Variants in SPAG16 observed in about 807,000 individuals in gnomAD.
SPAG16 encodes the protein sperm associated antigen 16.
SPAG16 carries 86 observed loss-of-function variants against 80.4 expected under a neutral mutation model. That is an observed-to-expected ratio of 1.07 (90% CI 0.90 to 1.28). The LOEUF (loss-of-function observed/expected upper bound fraction) is 1.28. Among genes scored for constraint, SPAG16 ranks in the 50% most tolerant of loss-of-function variants. The probability of loss-of-function intolerance (pLI) is 0.00; values close to 1 mark genes in which losing one functional copy is unlikely to be tolerated. For synonymous variants in SPAG16, 294 were observed against 265.9 expected (o/e 1.11, Z -1.03); for missense variants, 870 against 765.3 (o/e 1.14, Z -1.61).
At chr2:214,348,126 G>C (rs1698178174) in intron 15 of SPAG16, among the ~76,000 whole-genome samples, 1 of 152,154 alleles carries the variant, frequency 6.6e-6, no homozygotes, top group Non-Finnish European at 1.5e-5. Context: ...CGGGTTGTGT[G>C]GAGGGCAGAT....
intron 15 of SPAG16, among the ~76,000 whole-genome samples, chr2:214,184,528 C>G (rs1164109564): frequency 6.6e-6 from 1 of 152,062 alleles, no homozygotes; most frequent in Admixed American, 6.6e-5. Flanking sequence ...ACAACATTCT[C>G]AGGGAGAACT....
At chr2:213,866,108 G>A (rs1375701910) in intron 11 of SPAG16, among the ~76,000 whole-genome samples, 1 of 151,266 alleles carries the variant, frequency 6.6e-6, no homozygotes, top group Non-Finnish European at 1.5e-5. Flanking sequence ...TTATGAGTGA[G>A]TTTTTAGAAA....
At chr2:213,876,735 T>C (rs1364787891) in intron 11 of SPAG16, among the ~76,000 whole-genome samples, 3 of 152,176 alleles carry the variant, frequency 2.0e-5, no homozygotes, top group African/African-American at 7.2e-5. Flanking sequence ...TTATGGTTAT[T>C]GGCTGGCCTT....
intron 15 of SPAG16, among the ~76,000 whole-genome samples, chr2:214,191,396 G>T (rs944378530): frequency 1.3e-5 from 2 of 151,888 alleles, no homozygotes; most frequent in Non-Finnish European, 2.9e-5. Context: ...GGAAAAGTGT[G>T]ATGATGAAAA....
At chr2:214,024,584 T>C (rs1158366546) in intron 13 of SPAG16, among the ~76,000 whole-genome samples, 1 of 151,588 alleles carries the variant, frequency 6.6e-6, no homozygotes, top group East Asian at 1.9e-4. Flanking sequence ...ATATAATACA[T>C]TCTAAACTTA....
intron 15 of SPAG16, among the ~76,000 whole-genome samples, chr2:214,284,198 C>A (rs1432760449): frequency 6.6e-6 from 1 of 152,156 alleles, no homozygotes; most frequent in East Asian, 1.9e-4. Flanking sequence ...AGAAAAAACA[C>A]AAAGATTATC....
chr2:213,774,053 C>T (rs866693215), intron 10 of SPAG16, among the ~76,000 whole-genome samples: 5 of 151,738 alleles, frequency 3.3e-5, no homozygotes, highest in African/African-American at 7.3e-5. Flanking sequence ...TATTTTTTAC[C>T]GCAATGTGTG....
chr2:213,965,406 A>T (rs542529715), intron 12 of SPAG16, among the ~76,000 whole-genome samples: 17 of 152,232 alleles, frequency 1.1e-4, no homozygotes, highest in Admixed American at 9.2e-4. Flanking sequence ...TCTTGCTATC[A>T]CACTCAGCTA....
chr2:213,354,046 C>G (rs2125064455), intron 7 of SPAG16, among the ~76,000 whole-genome samples: 1 of 152,296 alleles, frequency 6.6e-6, no homozygotes, highest in Admixed American at 6.5e-5. Flanking sequence ...GCCCCACACC[C>G]CATGATAGGC....
chr2:213,674,879 T>C (rs1183979182), intron 10 of SPAG16, among the ~76,000 whole-genome samples: 2 of 149,552 alleles, frequency 1.3e-5, no homozygotes, highest in Non-Finnish European at 1.5e-5. Flanking sequence ...GCATGATTTA[T>C]AATCCTTTGG....
At chr2:213,720,450 A>AC (rs1285662561) in intron 10 of SPAG16, among the ~76,000 whole-genome samples, 1 of 139,456 alleles carries the variant, frequency 7.2e-6, no homozygotes, top group East Asian at 2.2e-4. Context: ...ACATGGTGAA[A>AC]CCCCATCTCT....
intron 10 of SPAG16, among the ~76,000 whole-genome samples, chr2:213,700,764 C>T (rs1303000362): frequency 1.3e-5 from 2 of 152,264 alleles, no homozygotes; most frequent in East Asian, 1.9e-4. Context: ...CCTTTCATTA[C>T]CTCTTTTACA....
intron 9 of SPAG16, among the ~76,000 whole-genome samples, chr2:213,390,382 G>A (rs1251815383): frequency 6.6e-6 from 1 of 152,058 alleles, no homozygotes; most frequent in Non-Finnish European, 1.5e-5. Flanking sequence ...TTTATGTTAT[G>A]CCATTAATAA....
chr2:214,108,463 ACACACACACACACACAC>A (rs1385544041), intron 14 of SPAG16, among the ~76,000 whole-genome samples: 5 of 98,880 alleles, frequency 5.1e-5, no homozygotes, highest in East Asian at 2.7e-4. Context: ...ACACACACAC[ACACACACACACACACAC>A]CCCCACACAC....
chr2:214,385,285 G>C (rs1700685168), intron 15 of SPAG16, among the ~76,000 whole-genome samples: 1 of 152,156 alleles, frequency 6.6e-6, no homozygotes. Context: ...CTACCTTTGG[G>C]ATTAGTGTGA....
intron 9 of SPAG16, among the ~76,000 whole-genome samples, chr2:213,412,603 C>T (rs2069037357): frequency 6.6e-6 from 1 of 151,676 alleles, no homozygotes; most frequent in Admixed American, 6.6e-5. Context: ...TCTTGTGCCA[C>T]TCTCAGTGTT....
chr2:213,978,605 A>T (rs2106405785), intron 12 of SPAG16, among the ~76,000 whole-genome samples: 1 of 152,174 alleles, frequency 6.6e-6, no homozygotes, highest in African/African-American at 2.4e-5. Context: ...ATCATCCCCA[A>T]ATTTTGTGGT....
intron 14 of SPAG16, among the ~76,000 whole-genome samples, chr2:214,109,394 A>C (rs777079316): frequency 2.6e-5 from 4 of 152,202 alleles, no homozygotes; most frequent in Non-Finnish European, 4.4e-5. Context: ...ATTTAATTAT[A>C]TCTAACATTT....
At chr2:214,188,272 T>A (rs2057543601) in intron 15 of SPAG16, among the ~76,000 whole-genome samples, 2 of 152,066 alleles carry the variant, frequency 1.3e-5, no homozygotes, top group Admixed American at 6.6e-5. Flanking sequence ...GTAATGAGGA[T>A]CTAAAGGGAA....
Sources: allele counts gnomAD v4.1 joint callset (sites outside exome capture counted in the v4.1 genomes callset), GRCh38; gene constraint gnomAD v4.1.1; transcripts MANE v1.5; gene names NCBI Gene and HGNC (gene_info 2026-07-23, HGNC 2026-07-21).